The following CHD7 variants were observed in gnomAD, a reference collection of about 807,000 sequenced individuals.
CHD7 encodes the protein chromodomain helicase DNA binding protein 7.
A neutral mutation model predicts 307.3 loss-of-function variants in CHD7; 24 were observed. The ratio of observed to expected loss-of-function variants is 0.08; its 90% CI spans 0.06 to 0.11. CHD7 has a LOEUF of 0.11. Ranked by LOEUF, CHD7 falls within the 10% of genes least tolerant of loss-of-function variation. The probability of loss-of-function intolerance (pLI) is 1.00; values close to 1 mark genes in which losing one functional copy is unlikely to be tolerated. For synonymous variants in CHD7, 1,363 were observed against 1,349.9 expected, an observed-to-expected ratio of 1.01 and a Z score of -0.21; for missense variants, 3,106 against 3,727.1, an observed-to-expected ratio of 0.83 and a Z score of 4.34.
chr8:60,828,979 CTTCT>C (rs1269938474), intron 14 of CHD7, among the ~76,000 whole-genome samples, 173 bp downstream of exon 14: 1 of 152,130 alleles, frequency 6.6e-6, no homozygotes, highest in Non-Finnish European at 1.5e-5. Flanking sequence ...TAAAGGTTTT[CTTCT>C]TTATTTGTTT....
rs991176109 is a variant in CHD7 at position 60,828,563 on chromosome 8, A to G, written c.3379-100A>G. On this transcript the variant is annotated intron_variant, in intron 13 of 37. Transcript: ENST00000423902. ...GATTCCTATACTTTGCATAGGGTAG[A>G]TGAGTAGGAGTAGAACAATGGGTGT... 5 of 1,086,606 alleles carry G rather than the reference A, an allele frequency of 4.6e-6. No individual in the cohort carries two copies. The African/African-American group carries it at 6.4e-5, about 14-fold the overall frequency. The allele number at this position is 1,086,606 out of a possible 1,614,324, so 67.3% of individuals were successfully genotyped here.
intron 2 of CHD7, among the ~76,000 whole-genome samples, chr8:60,779,723 C>T (rs1182881396): frequency 6.6e-6 from 1 of 152,138 alleles, no homozygotes; most frequent in Non-Finnish European, 1.5e-5. Context: ...AGATGTGGGC[C>T]TGGGCTCGTC....
At chr8:60,800,035 C>CTT (rs879277376) in intron 4 of CHD7, among the ~76,000 whole-genome samples, 1 of 144,836 alleles carries the variant, frequency 6.9e-6, no homozygotes, top group East Asian at 2.0e-4. Flanking sequence ...GAACATTTTT[C>CTT]TTTTTTTTTT....
chr8:60,775,521 C>G (rs937940750), intron 2 of CHD7, among the ~76,000 whole-genome samples: 1 of 152,178 alleles, frequency 6.6e-6, no homozygotes, highest in African/African-American at 2.4e-5. Flanking sequence ...TGGACAGATA[C>G]ACATGCTTAC....
chr8:60,786,995 G>A (rs535010652), intron 3 of CHD7, among the ~76,000 whole-genome samples: 16 of 152,156 alleles, frequency 1.1e-4, no homozygotes, highest in Admixed American at 6.5e-4. Flanking sequence ...GCATTCAGAC[G>A]TTAAATAGGA....
chr8:60,792,562 A>G (rs1446281254), intron 3 of CHD7, among the ~76,000 whole-genome samples: 5 of 152,224 alleles, frequency 3.3e-5, no homozygotes, highest in African/African-American at 1.2e-4. Flanking sequence ...CTTTTTGTCT[A>G]AACATTTGGA....
chr8:60,830,701 G>T, intron 15 of CHD7, 124 bp downstream of exon 15: 1 of 1,084,292 alleles, frequency 9.2e-7, no homozygotes, highest in East Asian at 2.5e-5. Context: ...CTCAGCATGG[G>T]TTTCACCAGC....
rs1809007917 is a variant in CHD7, at chr8:60,741,525, A to G, written c.93A>G (p.Glu31=). 6.2e-7 allele frequency: 1 copy of G among 1,613,228 alleles called. No individual in the cohort carries two copies. Among genetic ancestry groups the G allele is most frequent in the Admixed American group, 1.7e-5 (1 of 59,926 alleles). ...LEGLGECGYP[E]NPVNPMGQQM... is the part of the protein sequence containing the mutation. ...GCCTCGGAGAATGTGGTTACCCGGA[A>G]AATCCAGTAAATCCTATGGGTCAGC... The change falls in exon 2 of 38, where the codon GAA becomes GAG. Residue 31 remains glutamate (E), a synonymous_variant. Coordinates refer to ENST00000423902, the MANE Select transcript of CHD7 (RefSeq NM_017780.4).
At chr8:60,800,623 T>C in intron 5 of CHD7, 98 bp downstream of exon 5, 1 of 1,197,166 alleles carries the variant, frequency 8.4e-7, no homozygotes, top group Non-Finnish European at 1.2e-6. Flanking sequence ...CATTGGACTT[T>C]CAGCAGGGGA....
chr8:60,836,829 A>G lies in CHD7; in HGVS notation c.4002A>G (p.Glu1334=), dbSNP rs752377617. The G allele has an allele frequency of 3.7e-6, 6 of 1,613,636 alleles. No homozygotes were observed. In the African/African-American group the frequency reaches 8.0e-5, roughly 22 times the overall value. The change falls in exon 17 of 38, where the codon GAA becomes GAG. Residue 1334 remains glutamate, a synonymous_variant. Coordinates refer to ENST00000423902, the MANE Select transcript of CHD7 (RefSeq NM_017780.4). ...DYLIQRRYPY[E]RIDGRVRGNL... ...TGATGTTTTCTAGGTACCCATATGA[A>G]AGGATCGACGGCCGAGTAAGAGGCA...
At chr8:60,722,214 C>T (rs1434052229) in intron 1 of CHD7, among the ~76,000 whole-genome samples, 4 of 152,194 alleles carry the variant, frequency 2.6e-5, no homozygotes, top group African/African-American at 9.6e-5. Context: ...ATTACAGTAT[C>T]TGTGGCTCCT....
At chr8:60,680,695 A>G (rs1805579109) in intron 1 of CHD7, among the ~76,000 whole-genome samples, 2 of 152,086 alleles carry the variant, frequency 1.3e-5, no homozygotes, top group Non-Finnish European at 2.9e-5. Flanking sequence ...CTTGGTTTAA[A>G]CTAGTTTTTT....
intron 1 of CHD7, among the ~76,000 whole-genome samples, chr8:60,705,121 T>C (rs921205546): frequency 3.3e-5 from 5 of 152,130 alleles, no homozygotes; most frequent in Admixed American, 6.6e-5. Context: ...TAAAGGGTAG[T>C]TGATGGTATA....
At position 60,830,564 on chromosome 8, in the gene CHD7, G is replaced by A. The variant is rs371633293; in HGVS notation, c.3765G>A (p.Pro1255=). 1.1e-4 allele frequency: 182 copies of A among 1,613,004 alleles called. No individual in the cohort carries two copies. The highest frequency in any genetic ancestry group is 1.6e-4 in the Middle Eastern group (1 of 6,084). The change falls in exon 15 of 38, where the codon CCG becomes CCA. Residue 1255 remains proline, a synonymous_variant. Coordinates refer to ENST00000423902, the MANE Select transcript of CHD7 (RefSeq NM_017780.4). The stretch of plus-strand genomic sequence containing the variant: ...AATTGCGGAAGTGCTGCAATCATCC[G>A]TACCTTATCAATGGTAAGGCTGCCC... The part of the protein sequence containing the change: ...MMELRKCCNH[P]YLINGAEEKI...
Position 60,848,498 on chromosome 8 carries a change from T to A in CHD7, c.5211-17T>A. On this transcript the variant is annotated splice_polypyrimidine_tract_variant and intron_variant, in intron 23 of 37. Coordinates refer to ENST00000423902, the MANE Select transcript of CHD7 (RefSeq NM_017780.4). Reference sequence around the variant, plus strand: ...CTGAAGTTAAGAACTTTTTCCCCCCTCTGTCTTCCTCTCCAGGGTCCTGCT... The same window carrying A: ...CTGAAGTTAAGAACTTTTTCCCCCCACTGTCTTCCTCTCCAGGGTCCTGCT... 6.2e-7 allele frequency: 1 copy of A among 1,600,222 alleles called. No homozygotes were observed.
intron 21 of CHD7, among the ~76,000 whole-genome samples, chr8:60,842,523 ATTT>A (rs1157076592): frequency 6.6e-6 from 1 of 152,118 alleles, no homozygotes; most frequent in Admixed American, 6.5e-5. Flanking sequence ...AAAGTGTTGT[ATTT>A]TTCCTGCTGG....
Position 60,714,406 on chromosome 8 carries a change from G to GCCCCCCCCCCCCCCCCCCC in CHD7, c.-174-26850_-174-26832dup, listed in dbSNP as rs71245516. On this transcript the variant is annotated intron_variant, in intron 1 of 37. Coordinates refer to ENST00000423902, the MANE Select transcript of CHD7 (RefSeq NM_017780.4). ...CTGACAACATGGCGGCCGGGAGAAG[G>GCCCCCCCCCCCCCCCCCCC]CCCCCCCCCCCCCCCCCCCCCGCCC... Among the ~76,000 whole-genome samples the GCCCCCCCCCCCCCCCCCCC allele has an allele frequency of 5.7e-4, 10 of 17,622 alleles. 3 individuals are homozygous for GCCCCCCCCCCCCCCCCCCC. The highest frequency in any genetic ancestry group is 7.7e-4 in the Admixed American group (1 of 1,292). The allele number at this position is 17,622 out of a possible 152,430, so 11.6% of individuals were successfully genotyped here.
At chr8:60,799,092 A>C (rs1812170258) in intron 4 of CHD7, among the ~76,000 whole-genome samples, 2 of 152,254 alleles carry the variant, frequency 1.3e-5, no homozygotes, top group African/African-American at 4.8e-5. Flanking sequence ...AGTAAACAAG[A>C]TATACAGTCT....
intron 37 of CHD7, 41 bp from the exon 38 acceptor site, chr8:60,864,975 G>A (rs1024333199): frequency 9.1e-6 from 14 of 1,533,858 alleles, no homozygotes; most frequent in Non-Finnish European, 1.1e-5. Flanking sequence ...AGTTGTCTTC[G>A]ACAGCCTTTA....
Sources: allele counts gnomAD v4.1 joint callset (sites outside exome capture counted in the v4.1 genomes callset), GRCh38; gene constraint gnomAD v4.1.1; transcripts MANE v1.5; gene names NCBI Gene and HGNC (gene_info 2026-07-23, HGNC 2026-07-21).